DCHS2: variants seen among roughly 807,000 people sequenced by gnomAD.
The protein encoded by DCHS2 is protocadherin-23.
A neutral mutation model predicts 182.4 loss-of-function variants in DCHS2; 142 were observed. The ratio of observed to expected loss-of-function variants is 0.78; its 90% CI spans 0.68 to 0.89. DCHS2 has a LOEUF of 0.89. Ranked by LOEUF, DCHS2 falls within the 40% of genes least tolerant of loss-of-function variation. DCHS2 has a pLI of 0.00. For missense variants in DCHS2, 4,319 were observed against 4,198.6 expected, an observed-to-expected ratio of 1.03 and a Z score of -0.79; for synonymous variants, 1,740 against 1,663.3, an observed-to-expected ratio of 1.05 and a Z score of -1.12.
At position 154,321,083 on chromosome 4, in the gene DCHS2, A is replaced by G; in HGVS notation, c.4316T>C (p.Leu1439Ser). 6.2e-7 allele frequency: 1 copy of G among 1,609,604 alleles called. No homozygotes were observed. Among genetic ancestry groups the G allele is most frequent in the Non-Finnish European group, 8.5e-7 (1 of 1,176,260 alleles). Residue 1439 changes from leucine to serine, a missense_variant, in exon 9 of 20, where the codon TTA becomes TCA. Physicochemically the swap from Leu to Ser is moderately radical, Grantham distance 145. Transcript: ENST00000357232. ...DHLQQHYNGK[L>S]HFSIVADDKD... ...ATCATCTGCAACAATACTAAAATGT[A>G]ACTTTCCATTATAATGTTGTTGAAG...
In DCHS2 at chr4:154,320,458, G is replaced by A. The variant is rs147296487; in HGVS notation, c.4941C>T (p.Asp1647=). 1.9e-4 allele frequency: 303 copies of A among 1,613,910 alleles called. 3 individuals carry two copies. The African/African-American group carries it at 3.8e-3, about 20-fold the overall frequency. The change falls in exon 9 of 20, where the codon GAC becomes GAT. Residue 1647 remains aspartate, a synonymous_variant. Coordinates refer to ENST00000357232, the MANE Select transcript of DCHS2 (RefSeq NM_001358235.2). ...LVHHITAHDP[D]EGRNGKVTYS... is the part of the protein sequence containing the mutation. Reference sequence around the variant, plus strand: ...ATGTTACTTTTCCATTCCTTCCTTCGTCTGGATCGTGAGCAGTTATGTGGT... The same window carrying A: ...ATGTTACTTTTCCATTCCTTCCTTCATCTGGATCGTGAGCAGTTATGTGGT...
chr4:154,247,156 A>G (rs1464180933), intron 16 of DCHS2, among the ~76,000 whole-genome samples: 10 of 152,204 alleles, frequency 6.6e-5, no homozygotes, highest in Non-Finnish European at 1.5e-5. Context: ...ATTTCTAGAG[A>G]GAAGGAAAAA....
intron 3 of DCHS2, among the ~76,000 whole-genome samples, chr4:154,339,177 G>T (rs893609228): frequency 6.6e-6 from 1 of 151,644 alleles, no homozygotes; most frequent in Non-Finnish European, 1.5e-5. Context: ...TGGCCTGAGA[G>T]CCAGGAGCAC....
At chr4:154,246,326 CCTT>C (rs1290153142) in intron 16 of DCHS2, among the ~76,000 whole-genome samples, 4 of 152,158 alleles carry the variant, frequency 2.6e-5, no homozygotes, top group African/African-American at 9.7e-5. Context: ...TATTGAAAGA[CCTT>C]CTCTGGAGAA....
At chr4:154,346,041 A>C (rs1287299293) in intron 3 of DCHS2, among the ~76,000 whole-genome samples, 1 of 152,182 alleles carries the variant, frequency 6.6e-6, no homozygotes, top group African/African-American at 2.4e-5. Flanking sequence ...ATGGCAGAAG[A>C]AGCAAGCTCT....
In DCHS2 at chr4:154,490,027, G is replaced by A; in HGVS notation, c.1329C>T (p.Asp443=). Residue 443 remains aspartate, a synonymous_variant, in exon 1 of 20, where the codon GAC becomes GAT. Transcript: ENST00000357232. The part of the protein sequence containing the change: ...GDYVARVSVS[D]ADGDWEKEDE... ...CTTCCTTCTCCCAGTCACCGTCCGC[G>A]TCAGACACCGAGACGCGAGCCACGT... 2 of 1,547,798 alleles carry A rather than the reference G, an allele frequency of 1.3e-6. No individual in the cohort carries two copies. The highest frequency in any genetic ancestry group is 1.7e-6 in the Non-Finnish European group (2 of 1,146,930).
rs1386403218 is a variant in DCHS2, at chr4:154,327,963, G to T, written c.4018+130C>A. ...GCAAATGTATTTTGTTTGTAACTTGGTGCTTTTTCAAAACTAACTACAGCA... is the reference window on the plus strand; with the variant it reads ...GCAAATGTATTTTGTTTGTAACTTGTTGCTTTTTCAAAACTAACTACAGCA... On this transcript the variant is annotated intron_variant, in intron 7 of 19. Transcript: ENST00000357232. 1.0e-5 allele frequency: 5 copies of T among 497,896 alleles called. 1 individual carries two copies. The highest frequency in any genetic ancestry group is 1.2e-4 in the South Asian group (2 of 16,712). The allele number at this position is 497,896 out of a possible 1,614,324, so 30.8% of individuals were successfully genotyped here.
At chr4:154,321,538 G>T (rs1473615711) in intron 8 of DCHS2, among the ~76,000 whole-genome samples, 1 of 152,150 alleles carries the variant, frequency 6.6e-6, no homozygotes, top group Non-Finnish European at 1.5e-5. Context: ...GGAATGCAGG[G>T]TAGCTAGTTC....
intron 1 of DCHS2, among the ~76,000 whole-genome samples, chr4:154,431,633 G>A (rs1397237910): frequency 6.6e-6 from 1 of 152,122 alleles, no homozygotes; most frequent in Non-Finnish European, 1.5e-5. Context: ...ATCAGTCCCA[G>A]TTAAATCTCT....
At position 154,236,600 on chromosome 4, in the gene DCHS2, G is replaced by A. The variant is rs1405566045; in HGVS notation, c.8052C>T (p.Ile2684=). The part of the protein sequence containing the change: ...VKESTPLGSH[I]TVVSANDRDT... ...CACGGTCATTTGCTGAGACCACAGT[G>A]ATGTGACTCCCTAGAGGGGTGCTTT... The change falls in exon 20 of 20, where the codon ATC becomes ATT. Residue 2684 remains isoleucine, a synonymous_variant. Coordinates refer to ENST00000357232, the MANE Select transcript of DCHS2 (RefSeq NM_001358235.2). The A allele has an allele frequency of 6.2e-7, 1 of 1,614,040 alleles. No homozygotes were observed. Among genetic ancestry groups the A allele is most frequent in the Non-Finnish European group, 8.5e-7 (1 of 1,179,962 alleles).
In DCHS2 at chr4:154,332,729, A is replaced by G. The variant is rs767023019; in HGVS notation, c.3479T>C (p.Val1160Ala). The change falls in exon 5 of 20, where the codon GTG becomes GCG. Residue 1160 changes from valine (V) to alanine (A), a missense_variant. Val to Ala is a moderately conservative substitution (Grantham distance 64). Coordinates refer to ENST00000357232, the MANE Select transcript of DCHS2 (RefSeq NM_001358235.2). ...YESTQTYNFR[V>A]FAWIPEDGFL... ...TCCGTCCTCGGGGATCCAAGCAAAC[A>G]CTCTAAAATTATATGTTTGGGTGGA... is the stretch of plus-strand genomic sequence containing the variant. The G allele has an allele frequency of 5.6e-6, 9 of 1,614,168 alleles. No individual in the cohort carries two copies. In the Admixed American group the frequency reaches 1.5e-4, roughly 27 times the overall value.
At chr4:154,250,989 A>G (rs1024305721) in intron 16 of DCHS2, among the ~76,000 whole-genome samples, 3 of 152,172 alleles carry the variant, frequency 2.0e-5, no homozygotes, top group African/African-American at 7.2e-5. Context: ...CATACCAAAC[A>G]CTTTCACGTT....
Position 154,237,046 on chromosome 4 carries a change from C to A in DCHS2, c.7606G>T (p.Glu2536Ter), listed in dbSNP as rs1385351076. 1.9e-6 allele frequency: 3 copies of A among 1,613,984 alleles called. No homozygotes were observed. Among genetic ancestry groups the A allele is most frequent in the Non-Finnish European group, 2.5e-6 (3 of 1,179,920 alleles). ...NPDLRALTLV[E>*]IGIEDMNNYA... ...TTGTTCATATCTTCTATTCCTATCT[C>A]CACTAAAGTAAGAGCTCTCAGGTCA... The change falls in exon 20 of 20, where the codon GAG (glutamate) becomes TAG (stop). Residue 2536 changes from glutamate (E) to a stop codon, truncating the protein, a stop_gained. Transcript: ENST00000357232. LOFTEE classifies it low-confidence loss of function (END_TRUNC).
chr4:154,297,904 A>T lies in DCHS2; in HGVS notation c.6410T>A (p.Ile2137Asn), dbSNP rs1052537935. 3 of 1,613,896 alleles carry T rather than the reference A, an allele frequency of 1.9e-6. No individual in the cohort carries two copies. Among genetic ancestry groups the T allele is most frequent in the Non-Finnish European group, 2.5e-6 (3 of 1,179,962 alleles). Reference sequence around the variant, plus strand: ...TTTATACAGGTGGTGGCTGAAGGAAATCTTTACATCTTCTCCTTCCATGTG... The same window carrying T: ...TTTATACAGGTGGTGGCTGAAGGAATTCTTTACATCTTCTCCTTCCATGTG... ...VIHMEGEDVK[I>N]SFSHHLYKGL... The change falls in exon 13 of 20, where the codon ATT (isoleucine) becomes AAT (asparagine). Residue 2137 changes from isoleucine to asparagine, a missense_variant. By Grantham distance (149) the Ile-to-Asn change is moderately radical. Coordinates refer to ENST00000357232, the MANE Select transcript of DCHS2 (RefSeq NM_001358235.2).
intron 3 of DCHS2, among the ~76,000 whole-genome samples, chr4:154,346,955 G>T (rs973424262): frequency 3.3e-5 from 5 of 151,698 alleles, no homozygotes; most frequent in Non-Finnish European, 7.4e-5. Context: ...TCTAACTCTT[G>T]TGAACCTGCT....
chr4:154,334,384 C>G (rs1728677424), intron 4 of DCHS2: 1 of 154,102 alleles, frequency 6.5e-6, no homozygotes, highest in Admixed American at 6.4e-5. Context: ...TTTTTTAAAT[C>G]CTTCAAATTG....
At chr4:154,291,280 A>G (rs1158602266) in intron 13 of DCHS2, among the ~76,000 whole-genome samples, 1 of 152,004 alleles carries the variant, frequency 6.6e-6, no homozygotes, top group Non-Finnish European at 1.5e-5. Flanking sequence ...TATCCAAAAG[A>G]CAGGAAAAAA....
chr4:154,279,669 A>C (rs968366025), intron 13 of DCHS2, among the ~76,000 whole-genome samples: 1 of 151,994 alleles, frequency 6.6e-6, no homozygotes, highest in African/African-American at 2.4e-5. Context: ...AAATTTAGAA[A>C]ATATATTGAG....
At chr4:154,418,405 C>A (rs1001440432) in intron 1 of DCHS2, among the ~76,000 whole-genome samples, 3 of 152,222 alleles carry the variant, frequency 2.0e-5, no homozygotes, top group Non-Finnish European at 4.4e-5. Context: ...GTGTCGCCAG[C>A]TGAGAGTGCC....
Sources: allele counts gnomAD v4.1 joint callset (sites outside exome capture counted in the v4.1 genomes callset), GRCh38; gene constraint gnomAD v4.1.1; transcripts MANE v1.5; gene names NCBI Gene and HGNC (gene_info 2026-07-23, HGNC 2026-07-21).